The following ADARB2 variants were observed in gnomAD, a reference collection of about 807,000 sequenced individuals.
The protein encoded by ADARB2 is adenosine deaminase RNA specific B2 (inactive).
ADARB2 carries 25 observed loss-of-function variants against 62.2 expected under a neutral mutation model. The ratio of observed to expected loss-of-function variants is 0.40; its 90% CI spans 0.29 to 0.56. ADARB2 has a LOEUF of 0.56. ADARB2 is among the 20% of genes least tolerant of loss of function. The probability of loss-of-function intolerance (pLI) is 0.43; values close to 1 mark genes in which losing one functional copy is unlikely to be tolerated. For missense variants in ADARB2, 1,071 were observed against 1,077.4 expected, an observed-to-expected ratio of 0.99 and a Z score of 0.08; for synonymous variants, 572 against 500.8, an observed-to-expected ratio of 1.14 and a Z score of -1.90.
intron 1 of ADARB2, among the ~76,000 whole-genome samples, chr10:1,583,846 C>T (rs1172934989): frequency 6.6e-6 from 1 of 152,132 alleles, no homozygotes; most frequent in Non-Finnish European, 1.5e-5. Flanking sequence ...GAATAGAGAA[C>T]CCAGAAATAG....
chr10:1,607,622 C>G (rs962955034), intron 1 of ADARB2, among the ~76,000 whole-genome samples: 4 of 152,200 alleles, frequency 2.6e-5, no homozygotes, highest in Non-Finnish European at 5.9e-5. Flanking sequence ...GCCATTCACT[C>G]CTCCAGTAAA....
chr10:1,462,217 C>T (rs1199637664), intron 1 of ADARB2, among the ~76,000 whole-genome samples: 2 of 152,074 alleles, frequency 1.3e-5, no homozygotes, highest in Non-Finnish European at 2.9e-5. Flanking sequence ...CCTGCCTCGG[C>T]CACAGCTCAG....
chr10:1,353,119 C>CTA (rs1028973048), intron 3 of ADARB2, among the ~76,000 whole-genome samples: 2 of 152,204 alleles, frequency 1.3e-5, no homozygotes, highest in Non-Finnish European at 2.9e-5. Context: ...CCTCCCTTCC[C>CTA]TACACATCAA....
At chr10:1,266,966 G>C (rs559300599) in intron 4 of ADARB2, among the ~76,000 whole-genome samples, 99 of 152,162 alleles carry the variant, frequency 6.5e-4, no homozygotes, top group African/African-American at 1.9e-3. Context: ...AAAGAATGAA[G>C]AGACAAATTT....
chr10:1,253,302 A>G (rs17293720), intron 4 of ADARB2, among the ~76,000 whole-genome samples: 4,839 of 152,300 alleles, frequency 0.032, 105 homozygotes, highest in Admixed American at 0.07. Flanking sequence ...ACAAAAAACC[A>G]TGTGTTCCAT....
At chr10:1,683,972 C>A (rs1054002027) in intron 1 of ADARB2, among the ~76,000 whole-genome samples, 2 of 152,248 alleles carry the variant, frequency 1.3e-5, no homozygotes, top group African/African-American at 4.8e-5. Context: ...GCGTGAAAGA[C>A]CACCGCCAAA....
intron 1 of ADARB2, among the ~76,000 whole-genome samples, chr10:1,597,054 A>G (rs911104726): frequency 6.6e-6 from 1 of 152,168 alleles, no homozygotes; most frequent in Non-Finnish European, 1.5e-5. Flanking sequence ...ACTACCGACC[A>G]CAGTATTAAG....
At chr10:1,634,683 T>C (rs1323832042) in intron 1 of ADARB2, among the ~76,000 whole-genome samples, 1 of 152,236 alleles carries the variant, frequency 6.6e-6, no homozygotes, top group East Asian at 1.9e-4. Flanking sequence ...AAGCACACAA[T>C]ATCCATATAA....
chr10:1,698,602 C>T (rs1834778405), intron 1 of ADARB2, among the ~76,000 whole-genome samples: 1 of 152,078 alleles, frequency 6.6e-6, no homozygotes, highest in Admixed American at 6.5e-5. Flanking sequence ...GGAGTAAAAA[C>T]TTGATGGAAA....
intron 4 of ADARB2, among the ~76,000 whole-genome samples, chr10:1,263,290 TAATA>T (rs1255062967): frequency 3.3e-5 from 5 of 152,128 alleles, no homozygotes; most frequent in Admixed American, 2.6e-4. Flanking sequence ...ATAATAGTAA[TAATA>T]AAGAATATTT....
intron 7 of ADARB2, among the ~76,000 whole-genome samples, chr10:1,209,549 G>GC (rs1837119592): frequency 4.6e-5 from 1 of 21,518 alleles, no homozygotes; most frequent in African/African-American, 1.1e-4. Context: ...CCACACCCAT[G>GC]CCATCACCCA....
At chr10:1,685,610 A>C (rs369806381) in intron 1 of ADARB2, among the ~76,000 whole-genome samples, 29 of 152,356 alleles carry the variant, frequency 1.9e-4, no homozygotes, top group African/African-American at 5.8e-4. Flanking sequence ...AGCCATTGTT[A>C]GGTTTTTGCT....
intron 7 of ADARB2, among the ~76,000 whole-genome samples, chr10:1,211,029 G>T (rs947614791): frequency 5.9e-5 from 9 of 152,160 alleles, no homozygotes; most frequent in Admixed American, 3.3e-4. Context: ...GTTGCCAATG[G>T]CGCTGTGAGG....
At chr10:1,244,603 A>C (rs1589164037) in intron 4 of ADARB2, among the ~76,000 whole-genome samples, 1 of 152,048 alleles carries the variant, frequency 6.6e-6, no homozygotes, top group Admixed American at 6.6e-5. Context: ...TCTCACCCCC[A>C]CCGCCAGCAC....
chr10:1,503,503 A>G (rs1831793440), intron 1 of ADARB2, among the ~76,000 whole-genome samples: 1 of 152,068 alleles, frequency 6.6e-6, no homozygotes, highest in African/African-American at 2.4e-5. Context: ...CCCCCCTTTT[A>G]GCACCTGTGA....
At chr10:1,400,487 GCTCT>G (rs1264857124) in intron 1 of ADARB2, among the ~76,000 whole-genome samples, 1 of 152,148 alleles carries the variant, frequency 6.6e-6, no homozygotes, top group Non-Finnish European at 1.5e-5. Flanking sequence ...CAGCCGCAGT[GCTCT>G]CTACTAGATG....
intron 1 of ADARB2, among the ~76,000 whole-genome samples, chr10:1,641,011 C>T (rs896163582): frequency 3.3e-5 from 5 of 152,052 alleles, no homozygotes; most frequent in South Asian, 2.1e-4. Flanking sequence ...TAGATTCTAG[C>T]GAAAAAGTAT....
chr10:1,523,326 A>C (rs1219255167), intron 1 of ADARB2, among the ~76,000 whole-genome samples: 20 of 152,210 alleles, frequency 1.3e-4, no homozygotes, highest in Admixed American at 1.3e-3. Context: ...GTGTAAGTGC[A>C]AGAGGACATA....
chr10:1,501,854 C>T (rs958193333), intron 1 of ADARB2, among the ~76,000 whole-genome samples: 3 of 152,134 alleles, frequency 2.0e-5, no homozygotes, highest in Non-Finnish European at 2.9e-5. Flanking sequence ...TTCAGTGTTT[C>T]AACTAAGGAC....
Sources: gnomAD v4.1 joint callset for allele counts (sites outside exome capture counted in the v4.1 genomes callset) on GRCh38, gnomAD v4.1.1 for gene constraint, MANE v1.5 for transcripts, NCBI Gene and HGNC (gene_info 2026-07-23, HGNC 2026-07-21) for gene names.